The following LPP variants were observed in gnomAD, a reference collection of about 807,000 sequenced individuals.
LPP encodes lipoma-preferred partner.
A neutral mutation model predicts 60.4 loss-of-function variants in LPP; 38 were observed. The ratio of observed to expected loss-of-function variants is 0.63; its 90% CI spans 0.49 to 0.83. The LOEUF is 0.83. Among genes scored for constraint, LPP ranks in the 40% least tolerant of loss-of-function variants. The probability of loss-of-function intolerance (pLI) is 0.00; values close to 1 mark genes in which losing one functional copy is unlikely to be tolerated. For synonymous variants in LPP, 328 were observed against 290.8 expected (o/e 1.13, Z -1.30); for missense variants, 902 against 783.6 (o/e 1.15, Z -1.80).
At chr3:188,701,135 A>G (rs1404871495) in intron 7 of LPP, among the ~76,000 whole-genome samples, 1 of 152,216 alleles carries the variant, frequency 6.6e-6, no homozygotes, top group Non-Finnish European at 1.5e-5. Flanking sequence ...ACTGTTATGT[A>G]TGTTATTCTT....
At chr3:188,648,050 G>T (rs1560701162) in intron 7 of LPP, among the ~76,000 whole-genome samples, 1 of 152,122 alleles carries the variant, frequency 6.6e-6, no homozygotes, top group Non-Finnish European at 1.5e-5. Flanking sequence ...CAATGAAAAA[G>T]TACTTTTTGG....
intron 4 of LPP, among the ~76,000 whole-genome samples, chr3:188,440,857 A>G (rs981174791): frequency 2.0e-5 from 3 of 152,128 alleles, no homozygotes; most frequent in South Asian, 2.1e-4. Context: ...AACTTTGCAT[A>G]AAGAAAGGCA....
intron 4 of LPP, among the ~76,000 whole-genome samples, chr3:188,438,197 G>C (rs1400400087): frequency 1.3e-5 from 2 of 152,128 alleles, no homozygotes; most frequent in African/African-American, 4.8e-5. Flanking sequence ...AGACAGGTTG[G>C]TTAGAATGTA....
intron 7 of LPP, among the ~76,000 whole-genome samples, chr3:188,615,565 G>T (rs1481700887): frequency 2.0e-5 from 3 of 152,186 alleles, no homozygotes; most frequent in African/African-American, 7.2e-5. Flanking sequence ...TATATGCTTA[G>T]TTATTTAGCA....
At chr3:188,693,920 TGA>T (rs1322327331) in intron 7 of LPP, among the ~76,000 whole-genome samples, 2 of 152,208 alleles carry the variant, frequency 1.3e-5, no homozygotes, top group Non-Finnish European at 2.9e-5. Context: ...CTTCCTGATG[TGA>T]GCTTTCTTCT....
chr3:188,576,848 A>G (rs1240208064), intron 6 of LPP, among the ~76,000 whole-genome samples: 1 of 152,186 alleles, frequency 6.6e-6, no homozygotes, highest in African/African-American at 2.4e-5. Flanking sequence ...CGATGAAGAG[A>G]ATTACACATT....
In LPP at chr3:188,772,709, G is replaced by C. The variant is rs1039445241; in HGVS notation, c.1410+12427G>C. Among the ~76,000 whole-genome samples, 10 of 151,790 alleles carry C rather than the reference G, an allele frequency of 6.6e-5. 1 individual carries two copies. The highest frequency in any genetic ancestry group is 1.2e-4 in the Non-Finnish European group (8 of 67,954). On this transcript the variant is annotated intron_variant, in intron 9 of 11. Transcript: ENST00000617246. ...GGGGTTTCACCGTGTTAGCCAGGATGATCTCGATCTCCTGACTGCAGGGAG... is the reference window on the plus strand; with the variant it reads ...GGGGTTTCACCGTGTTAGCCAGGATCATCTCGATCTCCTGACTGCAGGGAG...
intron 7 of LPP, among the ~76,000 whole-genome samples, chr3:188,643,800 A>G (rs1850627174): frequency 6.6e-6 from 1 of 152,058 alleles, no homozygotes; most frequent in Non-Finnish European, 1.5e-5. Flanking sequence ...AAGCAATGAG[A>G]TTGTTTTTCT....
intron 4 of LPP, among the ~76,000 whole-genome samples, chr3:188,416,732 A>C (rs938617765): frequency 2.0e-5 from 3 of 152,168 alleles, no homozygotes; most frequent in African/African-American, 7.2e-5. Flanking sequence ...TTTGGGATCC[A>C]AAACCAGAAA....
At position 188,250,780 on chromosome 3, in the gene LPP, TTCTTTCTGTCTTTC is replaced by T. The variant is rs1560158676; in HGVS notation, c.-67+25261_-67+25274del. 2.2e-3 allele frequency among the ~76,000 whole-genome samples: 206 copies of T among 93,798 alleles called. 1 individual carries two copies. The highest frequency in any genetic ancestry group is 6.2e-3 in the African/African-American group (142 of 22,810). 61.5% of individuals were successfully genotyped at this position (93,798 alleles called of 152,430 possible). A position where few individuals can be genotyped will look rare whatever the true frequency, so the allele number is the denominator to read the frequency against. On this transcript the variant is annotated intron_variant, in intron 2 of 11. Transcript: ENST00000617246. ...TTTCTTTCTTTCTTTCTTTCTTTCT[TTCTTTCTGTCTTTC>T]TCTTTCTTTCTTTCTCTTTCTTTCT... is the stretch of plus-strand genomic sequence containing the variant.
At chr3:188,799,013 T>C (rs1362853464) in intron 9 of LPP, among the ~76,000 whole-genome samples, 1 of 152,254 alleles carries the variant, frequency 6.6e-6, no homozygotes, top group Non-Finnish European at 1.5e-5. Flanking sequence ...ATGTGTGTAG[T>C]TGTTTTGCTT....
At chr3:188,517,817 G>A (rs28437000) in intron 5 of LPP, among the ~76,000 whole-genome samples, 49,245 of 151,884 alleles carry the variant, frequency 0.32, 8,383 homozygotes, top group African/African-American at 0.42. Context: ...CCCATAACAT[G>A]GGGAGTTATG....
rs1303662007 is a variant in LPP at position 188,886,722 on chromosome 3, A to G, written c.*12243A>G. ...CATACAATTGTATTGTCTTCAAAAC[A>G]CACACACACACACATACACACACAC... On this transcript the variant is annotated 3_prime_UTR_variant, in exon 12 of 12. Transcript: ENST00000617246. 2 of 169,720 alleles carry G rather than the reference A, an allele frequency of 1.2e-5. No homozygotes were observed. The highest frequency in any genetic ancestry group is 2.1e-5 in the Non-Finnish European group (2 of 97,524). 10.5% of individuals were successfully genotyped at this position (169,720 alleles called of 1,614,324 possible). A position where few individuals can be genotyped will look rare whatever the true frequency, so the allele number is the denominator to read the frequency against.
At chr3:188,753,935 C>T (rs76579503) in intron 8 of LPP, among the ~76,000 whole-genome samples, 1 of 152,170 alleles carries the variant, frequency 6.6e-6, no homozygotes, top group African/African-American at 2.4e-5. Flanking sequence ...TACATGTGTC[C>T]TACAGTCCAG....
At chr3:188,552,166 C>A (rs547675063) in intron 6 of LPP, among the ~76,000 whole-genome samples, 34 of 152,300 alleles carry the variant, frequency 2.2e-4, no homozygotes, top group African/African-American at 7.7e-4. Context: ...AGAATTATTA[C>A]ATCTTAACTT....
At chr3:188,645,074 C>G (rs1850855347) in intron 7 of LPP, among the ~76,000 whole-genome samples, 2 of 152,146 alleles carry the variant, frequency 1.3e-5, no homozygotes, top group Admixed American at 1.3e-4. Context: ...GAATACCTAG[C>G]CGCTTCTGGA....
intron 6 of LPP, among the ~76,000 whole-genome samples, chr3:188,595,891 C>G (rs1839888516): frequency 6.6e-6 from 1 of 152,102 alleles, no homozygotes; most frequent in Non-Finnish European, 1.5e-5. Flanking sequence ...ACTGTGTATT[C>G]AGTTCTTGAG....
At chr3:188,816,496 C>T (rs565213012) in intron 9 of LPP, among the ~76,000 whole-genome samples, 80 of 152,262 alleles carry the variant, frequency 5.3e-4, no homozygotes, top group African/African-American at 1.7e-3. Context: ...CCACCATGCC[C>T]GGCCTGAATG....
intron 1 of LPP, among the ~76,000 whole-genome samples, chr3:188,159,590 C>T (rs1326151629): frequency 1.3e-5 from 2 of 152,194 alleles, no homozygotes; most frequent in African/African-American, 4.8e-5. Context: ...ACATGGTAGG[C>T]ACTCCAGAAA....
Sources: gnomAD v4.1 joint callset for allele counts (sites outside exome capture counted in the v4.1 genomes callset) on GRCh38, gnomAD v4.1.1 for gene constraint, MANE v1.5 for transcripts, NCBI Gene and HGNC (gene_info 2026-07-23, HGNC 2026-07-21) for gene names.